Variants in LINGO2 observed in about 807,000 individuals in gnomAD.
LINGO2 encodes leucine rich repeat and Ig domain containing 2, also known as leucine-rich repeat and immunoglobulin-like domain-containing nogo receptor-interacting protein 2.
LINGO2 carries 14 observed loss-of-function variants against 30.6 expected under a neutral mutation model. That is an observed-to-expected ratio of 0.46 (90% CI 0.30 to 0.72). The LOEUF (loss-of-function observed/expected upper bound fraction) is 0.72, where lower values mean the gene tolerates loss of function less well. Ranked by LOEUF, LINGO2 falls within the 30% of genes least tolerant of loss-of-function variation. The probability of loss-of-function intolerance (pLI) is 0.07; values close to 1 mark genes in which losing one functional copy is unlikely to be tolerated. For synonymous variants in LINGO2, 317 were observed against 288.5 expected (o/e 1.10, Z -1.00); for missense variants, 729 against 751.7 (o/e 0.97, Z 0.35).
chr9:28,487,516 C>A (rs754565432), intron 1 of LINGO2, among the ~76,000 whole-genome samples: 4 of 152,042 alleles, frequency 2.6e-5, no homozygotes, highest in Non-Finnish European at 4.4e-5. Context: ...TTTATGAGAG[C>A]CAATTTATTA....
intron 4 of LINGO2, among the ~76,000 whole-genome samples, chr9:28,054,807 ATTTCC>A (rs1461291023): frequency 6.6e-6 from 1 of 152,060 alleles, no homozygotes; most frequent in African/African-American, 2.4e-5. Context: ...AATTTTCAAT[ATTTCC>A]TTAAGTTTAC....
chr9:29,128,995 G>A, the LINGO2 span, among the ~76,000 whole-genome samples: 12 of 152,106 alleles, frequency 7.9e-5, no homozygotes. Context: ...CTTTAGAATT[G>A]TCAGCATATA....
chr9:28,066,115 C>G (rs1406817024), intron 4 of LINGO2, among the ~76,000 whole-genome samples: 1 of 152,038 alleles, frequency 6.6e-6, no homozygotes, highest in Non-Finnish European at 1.5e-5. Flanking sequence ...TGGAAGTCTT[C>G]AGTGTGGCAA....
chr9:28,435,029 A>G (rs1409651392), intron 2 of LINGO2, among the ~76,000 whole-genome samples: 2 of 152,102 alleles, frequency 1.3e-5, no homozygotes, highest in Non-Finnish European at 2.9e-5. Context: ...CTGTGAAAAG[A>G]CCCACTTTTT....
At chr9:28,726,554 A>C in the LINGO2 span, among the ~76,000 whole-genome samples, 1 of 152,214 alleles carries the variant, frequency 6.6e-6, no homozygotes, top group African/African-American at 2.4e-5. Context: ...GGCAAGGTGT[A>C]GTATAGATAA....
the LINGO2 span, among the ~76,000 whole-genome samples, chr9:28,940,141 T>C: frequency 6.6e-6 from 1 of 152,170 alleles, no homozygotes; most frequent in East Asian, 1.9e-4. Flanking sequence ...AAACCTTACA[T>C]GTTGCTGGGC....
At chr9:28,185,361 T>G (rs1213092042) in intron 4 of LINGO2, among the ~76,000 whole-genome samples, 1 of 151,162 alleles carries the variant, frequency 6.6e-6, no homozygotes, top group East Asian at 1.9e-4. Flanking sequence ...ACCATAACAC[T>G]ATGTTAGTAT....
At chr9:28,719,909 A>T in the LINGO2 span, among the ~76,000 whole-genome samples, 1 of 152,006 alleles carries the variant, frequency 6.6e-6, no homozygotes, top group Non-Finnish European at 1.5e-5. Context: ...ACTCAAATTA[A>T]TTTTTAAATT....
At chr9:29,129,261 A>T in the LINGO2 span, among the ~76,000 whole-genome samples, 2 of 152,116 alleles carry the variant, frequency 1.3e-5, no homozygotes, top group Non-Finnish European at 2.9e-5. Flanking sequence ...AATTGTTAAC[A>T]AGGAAATAAG....
At chr9:28,035,039 C>T (rs181187675) in intron 4 of LINGO2, among the ~76,000 whole-genome samples, 13 of 152,312 alleles carry the variant, frequency 8.5e-5, no homozygotes, top group African/African-American at 2.6e-4. Flanking sequence ...AACATCCATG[C>T]AACTCCTTAA....
intron 1 of LINGO2, among the ~76,000 whole-genome samples, chr9:28,502,159 C>CACAA (rs1819917344): frequency 6.7e-6 from 1 of 150,082 alleles, no homozygotes; most frequent in African/African-American, 2.5e-5. Context: ...CACACACACA[C>CACAA]ACATACACAC....
intron 4 of LINGO2, among the ~76,000 whole-genome samples, chr9:28,204,523 T>A (rs928203720): frequency 2.0e-5 from 3 of 152,134 alleles, no homozygotes; most frequent in Admixed American, 6.6e-5. Context: ...TTAGCGACAT[T>A]TCTCCTTACA....
chr9:28,118,702 A>G (rs1261899841), intron 4 of LINGO2, among the ~76,000 whole-genome samples: 1 of 152,242 alleles, frequency 6.6e-6, no homozygotes, highest in Non-Finnish European at 1.5e-5. Flanking sequence ...ATATTACTGT[A>G]AAATTAACTT....
At chr9:28,141,522 T>A (rs1483186665) in intron 4 of LINGO2, among the ~76,000 whole-genome samples, 1 of 152,202 alleles carries the variant, frequency 6.6e-6, no homozygotes, top group African/African-American at 2.4e-5. Context: ...AGAATCATCT[T>A]GTATTGATTT....
the LINGO2 span, among the ~76,000 whole-genome samples, chr9:28,872,972 A>G: frequency 3.9e-5 from 6 of 152,306 alleles, no homozygotes; most frequent in Admixed American, 1.3e-4. Flanking sequence ...AAGAAAATAA[A>G]TCAGTTAAAC....
chr9:27,969,672 T>G (rs1200561974), intron 5 of LINGO2, among the ~76,000 whole-genome samples: 5 of 152,066 alleles, frequency 3.3e-5, no homozygotes, highest in Non-Finnish European at 7.4e-5. Context: ...CTCACGTCTT[T>G]CTGGCTCTAA....
At chr9:28,702,303 A>G in the LINGO2 span, among the ~76,000 whole-genome samples, 1 of 151,734 alleles carries the variant, frequency 6.6e-6, no homozygotes, top group Admixed American at 6.6e-5. Context: ...GTTTCCCACT[A>G]TTCTTAGTTT....
chr9:27,988,390 G>T (rs186485172), intron 5 of LINGO2, among the ~76,000 whole-genome samples: 6 of 152,068 alleles, frequency 3.9e-5, no homozygotes, highest in African/African-American at 1.4e-4. Context: ...GGGTCCAATG[G>T]TATTTCTAGT....
the LINGO2 span, among the ~76,000 whole-genome samples, chr9:28,870,098 C>T: frequency 4.6e-5 from 7 of 151,564 alleles, no homozygotes; most frequent in East Asian, 1.4e-3. Flanking sequence ...CTTTATTTTC[C>T]CATTTGTAGA....
Sources: allele counts gnomAD v4.1 joint callset (sites outside exome capture counted in the v4.1 genomes callset), GRCh38; gene constraint gnomAD v4.1.1; transcripts MANE v1.5; gene names NCBI Gene and HGNC (gene_info 2026-07-23, HGNC 2026-07-21).